The following COMMD1 variants were observed in gnomAD, a reference collection of about 807,000 sequenced individuals.
The protein encoded by COMMD1 is copper metabolism domain containing 1.
In COMMD1, 10 loss-of-function variants were observed where a neutral mutation model predicts 17.2. The ratio of observed to expected loss-of-function variants is 0.58; its 90% CI spans 0.36 to 0.99. The LOEUF is 0.99. COMMD1 is among the 50% of genes least tolerant of loss of function. The pLI is 0.01. For missense variants in COMMD1, 270 were observed against 231.8 expected (o/e 1.17, Z -1.07); for synonymous variants, 97 against 91.6 (o/e 1.06, Z -0.34).
chr2:61,909,897 A>G (rs1400087326), intron 1 of COMMD1, among the ~76,000 whole-genome samples: 1 of 152,152 alleles, frequency 6.6e-6, no homozygotes, highest in Non-Finnish European at 1.5e-5. Flanking sequence ...GTGCTCCCTG[A>G]GCTGTAGCCC....
chr2:61,935,644 G>A (rs1670588919), intron 1 of COMMD1, among the ~76,000 whole-genome samples: 1 of 151,828 alleles, frequency 6.6e-6, no homozygotes, highest in Non-Finnish European at 1.5e-5. Context: ...AAAAAAAAAG[G>A]TAAAATTTCT....
intron 2 of COMMD1, among the ~76,000 whole-genome samples, chr2:62,009,027 G>A (rs868281747): frequency 2.0e-5 from 3 of 151,846 alleles, no homozygotes; most frequent in African/African-American, 7.3e-5. Flanking sequence ...CAAGTGATAC[G>A]CCCACCTCGG....
intron 2 of COMMD1, among the ~76,000 whole-genome samples, chr2:62,048,470 G>T (rs1456302832): frequency 6.6e-6 from 1 of 152,086 alleles, no homozygotes; most frequent in Non-Finnish European, 1.5e-5. Flanking sequence ...TTACAGGCAT[G>T]AGCCACCGTG....
At chr2:61,893,109 T>C (rs2105154829) in intron 1 of COMMD1, among the ~76,000 whole-genome samples, 1 of 152,100 alleles carries the variant, frequency 6.6e-6, no homozygotes, top group African/African-American at 2.4e-5. Flanking sequence ...ACAGGTGATC[T>C]GCCCACCTTG....
intron 1 of COMMD1, among the ~76,000 whole-genome samples, chr2:61,907,442 C>A (rs897130399): frequency 1.3e-5 from 2 of 152,136 alleles, no homozygotes; most frequent in Non-Finnish European, 2.9e-5. Context: ...ACTCTTTGAG[C>A]AGTCCAAGAG....
At chr2:61,912,591 T>C (rs1669932080) in intron 1 of COMMD1, among the ~76,000 whole-genome samples, 1 of 152,052 alleles carries the variant, frequency 6.6e-6, no homozygotes, top group South Asian at 2.1e-4. Context: ...AAAAATTAGC[T>C]GGGTGTGGTG....
chr2:61,917,281 C>T lies in COMMD1; in HGVS notation c.180+11423C>T, dbSNP rs569495896. 2.6e-5 allele frequency among the ~76,000 whole-genome samples: 4 copies of T among 151,532 alleles called. No individual in the cohort carries two copies. In the South Asian group the frequency reaches 8.4e-4, roughly 32 times the overall value. On this transcript the variant is annotated intron_variant, in intron 1 of 2. Coordinates refer to ENST00000311832, the MANE Select transcript of COMMD1 (RefSeq NM_152516.4). ...CTGAGGCAGGAGAATCGCTTGAACC[C>T]GGGAGGCGGAGGTTGCAGTGAGCCG...
At chr2:62,033,848 G>A (rs755797972) in intron 2 of COMMD1, among the ~76,000 whole-genome samples, 30 of 152,092 alleles carry the variant, frequency 2.0e-4, no homozygotes, top group Non-Finnish European at 3.8e-4. Flanking sequence ...AGTGGCTTGT[G>A]CCTGTGATTT....
intron 2 of COMMD1, among the ~76,000 whole-genome samples, chr2:62,058,788 G>GT (rs1309586313): frequency 1.9e-4 from 28 of 150,542 alleles, no homozygotes; most frequent in African/African-American, 2.4e-4. Flanking sequence ...CTTTCTTTCT[G>GT]TTTTTTTTTG....
At chr2:62,047,029 C>G (rs1008620927) in intron 2 of COMMD1, among the ~76,000 whole-genome samples, 1 of 152,062 alleles carries the variant, frequency 6.6e-6, no homozygotes, top group Non-Finnish European at 1.5e-5. Flanking sequence ...TGCCAGATAC[C>G]AAAAAGTATT....
At chr2:61,984,784 GT>G (rs994507487) in intron 1 of COMMD1, among the ~76,000 whole-genome samples, 1 of 152,134 alleles carries the variant, frequency 6.6e-6, no homozygotes, top group Non-Finnish European at 1.5e-5. Flanking sequence ...TTGTATTGGG[GT>G]CTGTCTCTTT....
chr2:62,130,363 C>T (rs1672997894), intron 2 of COMMD1, among the ~76,000 whole-genome samples: 1 of 151,612 alleles, frequency 6.6e-6, no homozygotes, highest in African/African-American at 2.4e-5. Flanking sequence ...CAACCTCCCT[C>T]TCCCAGGTTC....
At chr2:62,090,076 G>C (rs1016178396) in intron 2 of COMMD1, among the ~76,000 whole-genome samples, 2 of 152,004 alleles carry the variant, frequency 1.3e-5, no homozygotes, top group Non-Finnish European at 2.9e-5. Context: ...ATGGAGTCAG[G>C]CCTAGGGTTT....
At chr2:62,105,193 CAA>C (rs1448660242) in intron 2 of COMMD1, among the ~76,000 whole-genome samples, 3 of 150,166 alleles carry the variant, frequency 2.0e-5, no homozygotes, top group African/African-American at 7.3e-5. Context: ...GAATTATAAA[CAA>C]ATGCTAAGAA....
chr2:62,084,555 A>G (rs755365951), intron 2 of COMMD1, among the ~76,000 whole-genome samples: 18 of 152,086 alleles, frequency 1.2e-4, no homozygotes, highest in Non-Finnish European at 1.8e-4. Context: ...GTGTAAATGG[A>G]CCCATGCAGT....
At chr2:62,049,089 T>A (rs1670465448) in intron 2 of COMMD1, among the ~76,000 whole-genome samples, 1 of 152,060 alleles carries the variant, frequency 6.6e-6, no homozygotes, top group Non-Finnish European at 1.5e-5. Context: ...AATGCAAGTT[T>A]AACCAGAAAA....
chr2:62,074,893 T>G (rs1023987076), intron 2 of COMMD1, among the ~76,000 whole-genome samples: 4 of 149,022 alleles, frequency 2.7e-5, no homozygotes, highest in African/African-American at 4.9e-5. Flanking sequence ...GTTTTTTTTT[T>G]TTTTTTTTTT....
intron 2 of COMMD1, among the ~76,000 whole-genome samples, chr2:62,053,644 G>T (rs1270710048): frequency 6.6e-6 from 1 of 152,170 alleles, no homozygotes; most frequent in East Asian, 1.9e-4. Flanking sequence ...TAATCATCCA[G>T]CAGAACATCT....
upstream of COMMD1, chr2:61,888,448 C>G (rs1669313469): frequency 6.2e-7 from 1 of 1,611,418 alleles, no homozygotes; most frequent in Non-Finnish European, 8.5e-7. Flanking sequence ...AGGCGCCTTT[C>G]CCGCGGCCGC....
Sources: allele counts gnomAD v4.1 joint callset (sites outside exome capture counted in the v4.1 genomes callset), GRCh38; gene constraint gnomAD v4.1.1; transcripts MANE v1.5; gene names NCBI Gene and HGNC (gene_info 2026-07-23, HGNC 2026-07-21).